Variants in FBF1 observed in about 807,000 individuals in gnomAD.
FBF1 encodes fas-binding factor 1.
FBF1 carries 119 observed loss-of-function variants against 147.2 expected under a neutral mutation model. The observed-to-expected ratio is 0.81, with a 90% CI of 0.70 to 0.94. FBF1 has a LOEUF of 0.94. Among genes scored for constraint, FBF1 ranks in the 40% least tolerant of loss-of-function variants. The pLI is 0.00. For missense variants in FBF1, 1,449 were observed against 1,500.8 expected, an observed-to-expected ratio of 0.97 and a Z score of 0.57; for synonymous variants, 601 against 609.0, an observed-to-expected ratio of 0.99 and a Z score of 0.19.
chr17:75,926,922 TGAGG>T, intron 9 of FBF1, 45 bp from the exon 10 acceptor site: 1 of 1,579,882 alleles, frequency 6.3e-7, no homozygotes, highest in Non-Finnish European at 8.6e-7. Flanking sequence ...AGCACTTAGT[TGAGG>T]AAAAGCAAGC....
intron 13 of FBF1, among the ~76,000 whole-genome samples, chr17:75,924,337 G>T (rs551973122): frequency 2.6e-5 from 4 of 152,222 alleles, no homozygotes; most frequent in African/African-American, 7.2e-5. Context: ...GGTTAAGAAC[G>T]TACTGGGTAT....
Position 75,927,532 on chromosome 17 carries a change from C to T in FBF1, c.398G>A (p.Gly133Glu), listed in dbSNP as rs763089600. ...TGACTTCTTGGTGGGAATGGCACCC[C>T]CTGCAGGAAGCAGAAGACAAGGTCA... ...GELPNHPKPA[G>E]GAIPTKKSLP... The change falls in exon 9 of 30, where the codon GGG (glycine) becomes GAG (glutamate). Residue 133 changes from glycine (G) to glutamate (E), a missense_variant and splice_region_variant. Physicochemically the swap from Gly to Glu is moderately conservative, Grantham distance 98 (BLOSUM62 -2). Transcript: ENST00000636174. 100 of 1,598,674 alleles carry T rather than the reference C, an allele frequency of 6.3e-5. No individual in the cohort carries two copies. The Middle Eastern group carries it at 1.3e-3, about 21-fold the overall frequency.
rs943110087 is a variant in FBF1, at chr17:75,923,697, CCTAGCAGCCTGCAGCTGGGCGT to C, written c.969-78_969-57del. On this transcript the variant is annotated intron_variant, in intron 13 of 29. Coordinates refer to ENST00000636174, the MANE Select transcript of FBF1 (RefSeq NM_001319193.2). This position sits in a 1 kb window ranked among gnomAD's most constrained non-coding sequence, Gnocchi z 4.1. ...GGGAAACAGCCAGTCCCAGTGGCCC[CCTAGCAGCCTGCAGCTGGGCGT>C]CACGATGCCCAGGGACCCTGCACAG... 2 of 1,472,498 alleles carry C rather than the reference CCTAGCAGCCTGCAGCTGGGCGT, an allele frequency of 1.4e-6. No homozygotes were observed. Among genetic ancestry groups the C allele is most frequent in the African/African-American group, 2.8e-5 (2 of 71,400 alleles). The allele number at this position is 1,472,498 out of a possible 1,614,324, so 91.2% of individuals were successfully genotyped here.
chr17:75,929,945 A>AGGGGCCCCCCCCC, intron 7 of FBF1, 52 bp downstream of exon 7: 6 of 650,826 alleles, frequency 9.2e-6, no homozygotes, highest in East Asian at 2.8e-5. Context: ...AAATATCATG[A>AGGGGCCCCCCCCC]CCCCACCCCA....
chr17:75,922,132 G>A lies in FBF1; in HGVS notation c.1425-86C>T, dbSNP rs1229083670. ...ACAGGGCCCAGGACGGGCTTCACAC[G>A]TGAAGCTCGTGGCCCCCCTTCCTCC... On this transcript the variant is annotated intron_variant, in intron 14 of 29. Transcript: ENST00000636174. The surrounding 1 kb of genome is among the most constrained non-coding windows in gnomAD (Gnocchi z 5.0). 30 of 1,127,224 alleles carry A rather than the reference G, an allele frequency of 2.7e-5. No homozygotes were observed. The highest frequency in any genetic ancestry group is 4.7e-5 in the African/African-American group (3 of 64,488). The allele number at this position is 1,127,224 out of a possible 1,614,324, so 69.8% of individuals were successfully genotyped here.
At chr17:75,929,964 C>CCCG in intron 7 of FBF1, 33 bp downstream of exon 7, 1 of 1,402,202 alleles carries the variant, frequency 7.1e-7, no homozygotes, top group African/African-American at 1.4e-5. Flanking sequence ...CACCCACCCC[C>CCCG]AGTTCTAAGA....
chr17:75,915,192 C>T, intron 23 of FBF1, 53 bp from the exon 24 acceptor site: 1 of 1,558,510 alleles, frequency 6.4e-7, no homozygotes, highest in Non-Finnish European at 8.6e-7. Context: ...GAGGATCACG[C>T]CTGGCCACTC....
At chr17:75,934,343 T>C (rs1044291001) in intron 4 of FBF1, among the ~76,000 whole-genome samples, 1 of 151,698 alleles carries the variant, frequency 6.6e-6, no homozygotes. Flanking sequence ...AGGCAGGTGT[T>C]TGAGGCCAGG....
Position 75,926,843 on chromosome 17 carries a change from A to G in FBF1, c.510T>C (p.Tyr170=), listed in dbSNP as rs777443547. 6.2e-7 allele frequency: 1 copy of G among 1,613,512 alleles called. No individual in the cohort carries two copies. Among genetic ancestry groups the G allele is most frequent in the Non-Finnish European group, 8.5e-7 (1 of 1,179,706 alleles). ...GCTGCTTGGTGATTCCTCCTTCATCATAGGAGAGAAGTCCTCTCAATGGGT... is the reference window on the plus strand; with the variant it reads ...GCTGCTTGGTGATTCCTCCTTCATCGTAGGAGAGAAGTCCTCTCAATGGGT... The part of the protein sequence containing the change: ...LEDPLRGLLS[Y]DEGGITKQPP... The change falls in exon 10 of 30, where the codon TAT becomes TAC. Residue 170 remains tyrosine, a synonymous_variant. Transcript: ENST00000636174.
At chr17:75,937,939 C>T (rs1270810149) in intron 2 of FBF1, 5 of 701,298 alleles carry the variant, frequency 7.1e-6, no homozygotes, top group Non-Finnish European at 9.6e-6. Flanking sequence ...CACTTAAAAA[C>T]GCTTCCAGCT....
In FBF1 at chr17:75,926,356, C is replaced by A. The variant is rs1181741050; in HGVS notation, c.666G>T (p.Gly222=). The A allele has an allele frequency of 6.2e-7, 1 of 1,611,948 alleles. No individual in the cohort carries two copies. Among genetic ancestry groups the A allele is most frequent in the East Asian group, 2.2e-5 (1 of 44,860 alleles). The change falls in exon 11 of 30, where the codon GGG becomes GGT. Residue 222 remains glycine (G), a synonymous_variant. Coordinates refer to ENST00000636174, the MANE Select transcript of FBF1 (RefSeq NM_001319193.2). The stretch of plus-strand genomic sequence containing the variant: ...ACCCCAAGGTGGCCATGATGTCATC[C>A]CCATCATCAAACAACAATTCTTCTT... ...RKKEELLFDD[G]DDIMATLGFG...
chr17:75,925,259 C>T lies in FBF1; in HGVS notation c.968+88G>A, dbSNP rs1293067623. 8.0e-6 allele frequency: 8 copies of T among 998,466 alleles called. No individual in the cohort carries two copies. Among genetic ancestry groups the T allele is most frequent in the South Asian group, 6.4e-5 (4 of 62,866 alleles). The allele number at this position is 998,466 out of a possible 1,614,324, so 61.9% of individuals were successfully genotyped here. A position where few individuals can be genotyped will look rare whatever the true frequency, so the allele number is the denominator to read the frequency against. On this transcript the variant is annotated intron_variant, in intron 13 of 29. Transcript: ENST00000636174. This position sits in a 1 kb window ranked among gnomAD's most constrained non-coding sequence, Gnocchi z 5.0. The stretch of plus-strand genomic sequence containing the variant: ...CCTGTGGCCTCCCACATGAGACTCT[C>T]GGGTGGGACAGGGGACAGCTGCAGG...
At position 75,921,477 on chromosome 17, in the gene FBF1, G is replaced by T; in HGVS notation, c.1610C>A (p.Ala537Asp). 1 of 1,612,340 alleles carries T rather than the reference G, an allele frequency of 6.2e-7. No homozygotes were observed. The highest frequency in any genetic ancestry group is 1.3e-5 in the African/African-American group (1 of 75,044). The change falls in exon 16 of 30, where the codon GCC becomes GAC. Residue 537 changes from alanine (A) to aspartate (D), a missense_variant. Ala to Asp is a moderately radical substitution (Grantham distance 126). Coordinates refer to ENST00000636174, the MANE Select transcript of FBF1 (RefSeq NM_001319193.2). ...GCAGCAAACAAAAAACAAACCAGTG[G>T]CTGAGAGGTCTCCAGGGGCTGTTCC... ...KRGTAPGDLSATEPATCFPST... is the reference protein window; with the variant it reads ...KRGTAPGDLSDTEPATCFPST...
intron 6 of FBF1, among the ~76,000 whole-genome samples, chr17:75,930,912 C>T (rs2065590561): frequency 6.6e-6 from 1 of 152,034 alleles, no homozygotes; most frequent in Admixed American, 6.6e-5. Flanking sequence ...CAGAGGGAGA[C>T]TCCATCTCAA....
rs1385130541 is a variant in FBF1 at position 75,924,218 on chromosome 17, AAAT to A, written c.969-580_969-578del. 2.6e-5 allele frequency among the ~76,000 whole-genome samples: 4 copies of A among 152,150 alleles called. No individual in the cohort carries two copies. In the South Asian group the frequency reaches 6.2e-4, roughly 24 times the overall value. On this transcript the variant is annotated intron_variant, in intron 13 of 29. Transcript: ENST00000636174. ...GACAGAGTGAGACTCTGTCTAAAAA[AAAT>A]AATAATAAGTTGGATCAAGTGGTTT...
Position 75,923,519 on chromosome 17 carries a change from T to A in FBF1, c.1091A>T (p.Asp364Val). The change falls in exon 14 of 30, where the codon GAC (aspartate) becomes GTC (valine). Residue 364 changes from aspartate (D) to valine (V), a missense_variant. Coordinates refer to ENST00000636174, the MANE Select transcript of FBF1 (RefSeq NM_001319193.2). The surrounding 1 kb of genome is among the most constrained non-coding windows in gnomAD (Gnocchi z 4.1). ...KGGADWLGLK[D>V]EDLDLFPASP... is the part of the protein sequence containing the mutation. ...GGCAGGGAACAGGTCCAAGTCCTCG[T>A]CCTTGAGGCCCAACCAGTCAGCTCC... 1 of 1,605,732 alleles carries A rather than the reference T, an allele frequency of 6.2e-7. No individual in the cohort carries two copies. The highest frequency in any genetic ancestry group is 1.1e-5 in the South Asian group (1 of 89,300).
chr17:75,911,505 C>T (rs137987915), intron 29 of FBF1, among the ~76,000 whole-genome samples: 106 of 152,194 alleles, frequency 7.0e-4, no homozygotes, highest in African/African-American at 2.2e-3. Flanking sequence ...CCCCACCATG[C>T]CCAGCTAATT....
At position 75,922,096 on chromosome 17, in the gene FBF1, G is replaced by A; in HGVS notation, c.1425-50C>T. The A allele has an allele frequency of 3.3e-6, 5 of 1,494,388 alleles. No individual in the cohort carries two copies. The highest frequency in any genetic ancestry group is 4.6e-6 in the Non-Finnish European group (5 of 1,096,654). 92.6% of individuals were successfully genotyped at this position (1,494,388 alleles called of 1,614,324 possible). Reference sequence around the variant, plus strand: ...GAAGGTGACAGAAGGCCCAGGTCAGGCTGGATGAAGACAGGGCCCAGGACG... The same window carrying A: ...GAAGGTGACAGAAGGCCCAGGTCAGACTGGATGAAGACAGGGCCCAGGACG... On this transcript the variant is annotated intron_variant, in intron 14 of 29. Coordinates refer to ENST00000636174, the MANE Select transcript of FBF1 (RefSeq NM_001319193.2). This position sits in a 1 kb window ranked among gnomAD's most constrained non-coding sequence, Gnocchi z 5.0.
chr17:75,910,546 C>T lies in FBF1; in HGVS notation c.*177G>A. The stretch of plus-strand genomic sequence containing the variant: ...CACCACAGAGCCCCAGAGGCAGGGG[C>T]TGCCCCGGGCTGGCACATTTGGAAA... On this transcript the variant is annotated 3_prime_UTR_variant, in exon 30 of 30. Transcript: ENST00000636174. This position sits in a 1 kb window ranked among gnomAD's most constrained non-coding sequence, Gnocchi z 4.1. 3.3e-6 allele frequency: 2 copies of T among 602,990 alleles called. No individual in the cohort carries two copies. The highest frequency in any genetic ancestry group is 3.7e-5 in the African/African-American group (2 of 53,856). 37.4% of individuals were successfully genotyped at this position (602,990 alleles called of 1,614,324 possible).
Sources: gnomAD v4.1 joint callset for allele counts (sites outside exome capture counted in the v4.1 genomes callset) on GRCh38, gnomAD v4.1.1 for gene constraint, Gnocchi (gnomAD v3.1) non-coding constraint, MANE v1.5 for transcripts, NCBI Gene and HGNC (gene_info 2026-07-23, HGNC 2026-07-21) for gene names.